Variants in TEKT3 observed in about 807,000 individuals in gnomAD.
TEKT3 encodes the protein tektin-3.
Under a neutral mutation model 49.8 loss-of-function variants are expected in TEKT3, and 49 were observed. That is an observed-to-expected ratio of 0.98 (90% CI 0.78 to 1.25). The LOEUF (loss-of-function observed/expected upper bound fraction) is 1.25. TEKT3 is among the 50% of genes most tolerant of loss of function. TEKT3 has a pLI of 0.00. For synonymous variants in TEKT3, 225 were observed against 237.2 expected (o/e 0.95, Z 0.47); for missense variants, 595 against 629.5 (o/e 0.95, Z 0.59).
intron 4 of TEKT3, among the ~76,000 whole-genome samples, chr17:15,324,660 T>C (rs1209884724): frequency 6.6e-6 from 1 of 152,224 alleles, no homozygotes; most frequent in East Asian, 1.9e-4. Context: ...TGTGAGATCC[T>C]TTGCCCATTT....
chr17:15,341,748 C>G (rs554621825), upstream of TEKT3: 8 of 152,388 alleles, frequency 5.2e-5, no homozygotes, highest in East Asian at 1.5e-3. Flanking sequence ...GGAGGGAAAC[C>G]CGTCGGGCGG....
At chr17:15,320,988 G>T (rs1025300192) in intron 4 of TEKT3, among the ~76,000 whole-genome samples, 1 of 150,850 alleles carries the variant, frequency 6.6e-6, no homozygotes, top group Non-Finnish European at 1.5e-5. Flanking sequence ...TGAGACTCTT[G>T]CTGTAAAAAA....
At chr17:15,312,502 C>T (rs1487293479) in intron 6 of TEKT3, 21 bp from the exon 7 acceptor site, 1 of 1,607,974 alleles carries the variant, frequency 6.2e-7, no homozygotes, top group Admixed American at 1.7e-5. Context: ...GAAGCAGAAG[C>T]AGACAACAGT....
At chr17:15,327,127 C>T (rs748431691) in intron 4 of TEKT3, among the ~76,000 whole-genome samples, 2 of 147,942 alleles carry the variant, frequency 1.4e-5, no homozygotes, top group East Asian at 3.9e-4. Flanking sequence ...GATAGGGAAG[C>T]AACCTAACTA....
At position 15,333,177 on chromosome 17, in the gene TEKT3, T is replaced by C. The variant is rs191005434; in HGVS notation, c.-29-1563A>G. On this transcript the variant is annotated intron_variant, in intron 2 of 8. Transcript: ENST00000395930. ...ATGCCACAGACCACTACGTATCTTT[T>C]AGCATTTAAATGTCATTCTGTTTTG... is the stretch of plus-strand genomic sequence containing the variant. Among the ~76,000 whole-genome samples the C allele has an allele frequency of 2.2e-4, 34 of 152,336 alleles. 1 individual carries two copies. The East Asian group carries it at 6.2e-3, about 28-fold the overall frequency.
chr17:15,340,644 A>C (rs1912187155), intron 1 of TEKT3: 1 of 152,230 alleles, frequency 6.6e-6, no homozygotes, highest in South Asian at 2.1e-4. Context: ...GTTGGTTAAT[A>C]GGGATAGGTA....
intron 2 of TEKT3, among the ~76,000 whole-genome samples, chr17:15,336,267 G>C (rs1911979332): frequency 6.6e-6 from 1 of 152,126 alleles, no homozygotes; most frequent in African/African-American, 2.4e-5. Context: ...ATAAGAATTA[G>C]TGCTGAATTA....
chr17:15,311,963 A>G (rs961479620), intron 7 of TEKT3, among the ~76,000 whole-genome samples: 6 of 152,226 alleles, frequency 3.9e-5, no homozygotes, highest in Non-Finnish European at 7.3e-5. Flanking sequence ...AGTTATATAC[A>G]GCGATCCATT....
chr17:15,322,510 A>G (rs778990859), intron 4 of TEKT3, among the ~76,000 whole-genome samples: 1 of 152,198 alleles, frequency 6.6e-6, no homozygotes, highest in African/African-American at 2.4e-5. Context: ...GCTGAGGAAT[A>G]TGCACCACAT....
At position 15,312,426 on chromosome 17, in the gene TEKT3, G is replaced by A; in HGVS notation, c.934C>T (p.Gln312Ter). 1 of 1,613,960 alleles carries A rather than the reference G, an allele frequency of 6.2e-7. No homozygotes were observed. Among genetic ancestry groups the A allele is most frequent in the Non-Finnish European group, 8.5e-7 (1 of 1,179,930 alleles). The change falls in exon 7 of 9, where the codon CAG (glutamine) becomes TAG (stop). Residue 312 changes from glutamine to a stop codon, truncating the protein, a stop_gained. Transcript: ENST00000395930. LOFTEE classifies it high-confidence loss of function. ...TTAGCGGAAGCTGCCCGTTCACTCT[G>A]GGAGCGGAGAATATTGTCATCTGTA... ...KFTDDNILRSQSERAASAKLR... is the reference protein window; with the variant it reads ...KFTDDNILRS
At chr17:15,333,888 G>C (rs552561319) in intron 2 of TEKT3, among the ~76,000 whole-genome samples, 1 of 151,178 alleles carries the variant, frequency 6.6e-6, no homozygotes, top group African/African-American at 2.4e-5. Flanking sequence ...TCAGCCTCCC[G>C]AGTAGCTGGG....
In TEKT3 at chr17:15,331,382, G is replaced by C. The variant is rs779692747; in HGVS notation, c.204C>G (p.Tyr68Ter). 5 of 1,614,086 alleles carry C rather than the reference G, an allele frequency of 3.1e-6. No individual in the cohort carries two copies. The African/African-American group carries it at 6.7e-5, about 22-fold the overall frequency. ...VASNSPSVAPYCTRSQRVSEN... is the reference protein window; with the variant it reads ...VASNSPSVAP The stretch of plus-strand genomic sequence containing the variant: ...CGGACACCCTCTGTGATCTGGTGCA[G>C]TACGGGGCCACGCTTGGGGAATTGG... Residue 68 changes from tyrosine to a stop codon, truncating the protein, a stop_gained, in exon 3 of 9, where the codon TAC becomes TAG. Transcript: ENST00000395930. LOFTEE classifies it high-confidence loss of function.
chr17:15,320,908 T>A (rs1372945421), intron 4 of TEKT3, among the ~76,000 whole-genome samples: 2 of 152,132 alleles, frequency 1.3e-5, no homozygotes, highest in African/African-American at 4.8e-5. Flanking sequence ...TGTGTTTTTA[T>A]CCCTTGTGTA....
At chr17:15,316,462 C>A (rs1038648138) in intron 5 of TEKT3, among the ~76,000 whole-genome samples, 2 of 151,640 alleles carry the variant, frequency 1.3e-5, no homozygotes, top group Non-Finnish European at 2.9e-5. Flanking sequence ...CAGTGGGGCT[C>A]AAAGGAGGGG....
intron 4 of TEKT3, among the ~76,000 whole-genome samples, chr17:15,321,269 A>G (rs1911245510): frequency 6.6e-6 from 1 of 152,012 alleles, no homozygotes; most frequent in Admixed American, 6.6e-5. Context: ...TCGGCTTCCC[A>G]AAGTGCTGAG....
chr17:15,313,309 C>A (rs954720553), intron 6 of TEKT3, among the ~76,000 whole-genome samples: 8 of 152,084 alleles, frequency 5.3e-5, no homozygotes, highest in Admixed American at 2.0e-4. Flanking sequence ...GAATTTCAAT[C>A]AAGTTAACTT....
chr17:15,338,780 T>G (rs1398315228), intron 2 of TEKT3, among the ~76,000 whole-genome samples: 1 of 149,700 alleles, frequency 6.7e-6, no homozygotes, highest in Non-Finnish European at 1.5e-5. Context: ...CCTCCCAAAG[T>G]GTTGGGATTA....
At chr17:15,319,215 TAACA>T in intron 4 of TEKT3, 68 bp from the exon 5 acceptor site, 1 of 1,304,818 alleles carries the variant, frequency 7.7e-7, no homozygotes, top group East Asian at 2.5e-5. Context: ...ATCAACAATG[TAACA>T]AACATCAATG....
intron 2 of TEKT3, among the ~76,000 whole-genome samples, chr17:15,332,933 C>T (rs1911827486): frequency 1.3e-5 from 2 of 151,778 alleles, no homozygotes; most frequent in Admixed American, 1.3e-4. Flanking sequence ...TTTTATATAC[C>T]TCTACCTATA....
Sources: allele counts gnomAD v4.1 joint callset (sites outside exome capture counted in the v4.1 genomes callset), GRCh38; gene constraint gnomAD v4.1.1; transcripts MANE v1.5; gene names NCBI Gene and HGNC (gene_info 2026-07-23, HGNC 2026-07-21).